Variants in NRXN1 observed in about 807,000 individuals in gnomAD.
NRXN1 encodes the protein neurexin 1.
NRXN1 carries 39 observed loss-of-function variants against 150.9 expected under a neutral mutation model. That is an observed-to-expected ratio of 0.26 (90% CI 0.20 to 0.34). The LOEUF (loss-of-function observed/expected upper bound fraction) is 0.34, where lower values mean the gene tolerates loss of function less well. Among genes scored for constraint, NRXN1 ranks in the 10% least tolerant of loss-of-function variants. The pLI is 1.00. For missense variants in NRXN1, 1,815 were observed against 1,949.9 expected, an observed-to-expected ratio of 0.93 and a Z score of 1.30; for synonymous variants, 924 against 757.0, an observed-to-expected ratio of 1.22 and a Z score of -3.62.
intron 17 of NRXN1, among the ~76,000 whole-genome samples, chr2:50,411,290 G>T (rs910516075): frequency 3.9e-5 from 6 of 152,264 alleles, no homozygotes; most frequent in Admixed American, 2.0e-4. Flanking sequence ...GGCCTCCCGA[G>T]GTGCCGGGAT....
intron 8 of NRXN1, among the ~76,000 whole-genome samples, chr2:50,580,167 C>A (rs1410434974): frequency 6.6e-6 from 1 of 152,050 alleles, no homozygotes; most frequent in African/African-American, 2.4e-5. Flanking sequence ...AATGCACACC[C>A]ATATTTTAAA....
intron 17 of NRXN1, among the ~76,000 whole-genome samples, chr2:50,394,410 C>G (rs113128201): frequency 0.067 from 10,216 of 152,160 alleles, 484 homozygotes; most frequent in Non-Finnish European, 0.097. Context: ...ACAAGTCTTC[C>G]GCTAATAACA....
chr2:50,530,728 A>G (rs1179190114), intron 11 of NRXN1, among the ~76,000 whole-genome samples: 2 of 152,222 alleles, frequency 1.3e-5, no homozygotes, highest in Non-Finnish European at 2.9e-5. Flanking sequence ...CCGAAACAGA[A>G]AAGACAGGGT....
intron 21 of NRXN1, among the ~76,000 whole-genome samples, chr2:49,993,653 C>A (rs1682414410): frequency 6.6e-6 from 1 of 152,084 alleles, no homozygotes; most frequent in East Asian, 1.9e-4. Flanking sequence ...GGGCAGGGAG[C>A]ATAAAGAAAA....
At chr2:50,089,233 T>G (rs1332381077) in intron 19 of NRXN1, among the ~76,000 whole-genome samples, 2 of 152,174 alleles carry the variant, frequency 1.3e-5, no homozygotes, top group African/African-American at 4.8e-5. Context: ...GAATTAACTA[T>G]GAACACAAAA....
At chr2:50,448,341 C>T (rs1043161756) in intron 17 of NRXN1, among the ~76,000 whole-genome samples, 15 of 152,006 alleles carry the variant, frequency 9.9e-5, no homozygotes, top group Admixed American at 6.6e-4. Context: ...AAGAATAGAA[C>T]GGCAAAACCA....
intron 5 of NRXN1, among the ~76,000 whole-genome samples, chr2:50,672,678 A>G (rs1196309021): frequency 1.3e-5 from 2 of 152,050 alleles, no homozygotes; most frequent in East Asian, 3.9e-4. Flanking sequence ...TGAAGACAAA[A>G]TGATGTTCAG....
At chr2:49,943,644 TA>T in intron 22 of NRXN1, 59 bp downstream of exon 22, 1 of 1,139,048 alleles carries the variant, frequency 8.8e-7, no homozygotes, top group Non-Finnish European at 1.3e-6. Flanking sequence ...TTCTAAGGAA[TA>T]TAACATGCAA....
intron 2 of NRXN1, among the ~76,000 whole-genome samples, chr2:51,027,075 C>G (rs1326768649): frequency 6.6e-6 from 1 of 152,170 alleles, no homozygotes; most frequent in East Asian, 1.9e-4. Context: ...CAAACACATG[C>G]CCAATCTTCT....
intron 8 of NRXN1, among the ~76,000 whole-genome samples, chr2:50,569,744 G>T (rs933826968): frequency 6.6e-6 from 1 of 152,062 alleles, no homozygotes; most frequent in Admixed American, 6.6e-5. Flanking sequence ...GCATTGAAAG[G>T]CCAATTGAAT....
intron 19 of NRXN1, among the ~76,000 whole-genome samples, chr2:50,073,226 C>A (rs1696569272): frequency 1.3e-5 from 2 of 152,172 alleles, no homozygotes; most frequent in Admixed American, 1.3e-4. Context: ...ATTCCCTGCA[C>A]TTTAGCCAGA....
At chr2:50,947,861 C>G (rs1484556601) in intron 2 of NRXN1, among the ~76,000 whole-genome samples, 1 of 151,842 alleles carries the variant, frequency 6.6e-6, no homozygotes. Flanking sequence ...AAGGGAAAAA[C>G]TTGTTTTCTC....
chr2:50,786,900 G>C (rs577909179), intron 5 of NRXN1, among the ~76,000 whole-genome samples: 1 of 152,202 alleles, frequency 6.6e-6, no homozygotes, highest in African/African-American at 2.4e-5. Flanking sequence ...ATAAAAAAAT[G>C]GAAAATTCTT....
At chr2:50,508,299 C>G (rs1330852015) in intron 12 of NRXN1, among the ~76,000 whole-genome samples, 2 of 151,796 alleles carry the variant, frequency 1.3e-5, no homozygotes, top group African/African-American at 4.8e-5. Flanking sequence ...GAATTTAAAA[C>G]TATTCTAGAT....
chr2:49,995,861 TAA>T (rs60974625), intron 21 of NRXN1, among the ~76,000 whole-genome samples: 69 of 66,142 alleles, frequency 1.0e-3, no homozygotes, highest in African/African-American at 2.4e-3. Flanking sequence ...TGCTGGATAG[TAA>T]AAAAAAAAAA....
chr2:50,657,608 C>A (rs1298436955), intron 5 of NRXN1, among the ~76,000 whole-genome samples: 2 of 151,930 alleles, frequency 1.3e-5, no homozygotes, highest in Non-Finnish European at 2.9e-5. Flanking sequence ...TTGTCAAGTC[C>A]TTTTTCTAGA....
intron 21 of NRXN1, among the ~76,000 whole-genome samples, chr2:50,034,489 G>A (rs1464893021): frequency 6.6e-6 from 1 of 151,936 alleles, no homozygotes; most frequent in Non-Finnish European, 1.5e-5. Context: ...CCGGGACCTA[G>A]TGGAGGGTGG....
At chr2:50,135,000 T>C (rs188996652) in intron 18 of NRXN1, among the ~76,000 whole-genome samples, 37 of 152,314 alleles carry the variant, frequency 2.4e-4, no homozygotes, top group African/African-American at 6.5e-4. Flanking sequence ...ACAATTCTGC[T>C]AGTTCATTTG....
At chr2:50,740,645 T>C (rs1356264080) in intron 5 of NRXN1, among the ~76,000 whole-genome samples, 2 of 152,190 alleles carry the variant, frequency 1.3e-5, no homozygotes, top group Admixed American at 1.3e-4. Context: ...GTCAATAAAA[T>C]GTTAATGCTG....
Sources: gnomAD v4.1 joint callset for allele counts (sites outside exome capture counted in the v4.1 genomes callset) on GRCh38, gnomAD v4.1.1 for gene constraint, MANE v1.5 for transcripts, NCBI Gene and HGNC (gene_info 2026-07-23, HGNC 2026-07-21) for gene names.